MAGI2: variants seen among roughly 807,000 people sequenced by gnomAD.
The protein encoded by MAGI2 is membrane-associated guanylate kinase, WW and PDZ domain-containing protein 2.
A neutral mutation model predicts 133.3 loss-of-function variants in MAGI2; 35 were observed. That is an observed-to-expected ratio of 0.26 (90% CI 0.20 to 0.35). The LOEUF (loss-of-function observed/expected upper bound fraction) is 0.35, where lower values mean the gene tolerates loss of function less well. Ranked by LOEUF, MAGI2 falls within the 10% of genes least tolerant of loss-of-function variation. The pLI is 1.00. For missense variants in MAGI2, 1,636 were observed against 1,863.4 expected (o/e 0.88, Z 2.25); for synonymous variants, 729 against 710.6 (o/e 1.03, Z -0.41).
chr7:79,158,083 T>C (rs1334922739), intron 1 of MAGI2, among the ~76,000 whole-genome samples: 1 of 152,018 alleles, frequency 6.6e-6, no homozygotes, highest in Non-Finnish European at 1.5e-5. Flanking sequence ...TACCATATGA[T>C]ATAAATTTTG....
intron 2 of MAGI2, among the ~76,000 whole-genome samples, chr7:78,845,728 T>G (rs1792539805): frequency 6.6e-6 from 1 of 151,936 alleles, no homozygotes. Context: ...AACACAGAGT[T>G]TGAACATCTT....
chr7:78,685,470 T>G (rs1380132509), intron 2 of MAGI2, among the ~76,000 whole-genome samples: 5 of 132,604 alleles, frequency 3.8e-5, no homozygotes, highest in African/African-American at 1.3e-4. Flanking sequence ...ATTGTCGTTT[T>G]TTTTTTTTTT....
At chr7:78,916,337 T>C (rs1798793686) in intron 2 of MAGI2, among the ~76,000 whole-genome samples, 1 of 152,136 alleles carries the variant, frequency 6.6e-6, no homozygotes, top group Admixed American at 6.6e-5. Flanking sequence ...CCGATTGCTT[T>C]GAATAGCATT....
intron 2 of MAGI2, among the ~76,000 whole-genome samples, chr7:78,632,788 T>G (rs1190364489): frequency 6.6e-6 from 1 of 151,572 alleles, no homozygotes; most frequent in Admixed American, 6.6e-5. Flanking sequence ...ACTTACACAC[T>G]GTTATTAGAG....
Position 78,018,993 on chromosome 7 carries a change from A to G in MAGI2, c.*322T>C. Reference sequence around the variant, plus strand: ...TGGATGACATCCAAGTCCTTCATGCAGTGGGGAGGAATATTTTTTTTTCTT... The same window carrying G: ...TGGATGACATCCAAGTCCTTCATGCGGTGGGGAGGAATATTTTTTTTTCTT... On this transcript the variant is annotated 3_prime_UTR_variant, in exon 22 of 22. Transcript: ENST00000354212. 1 of 400,252 alleles carries G rather than the reference A, an allele frequency of 2.5e-6. No individual in the cohort carries two copies. 24.8% of individuals were successfully genotyped at this position (400,252 alleles called of 1,614,324 possible). A position where few individuals can be genotyped will look rare whatever the true frequency, so the allele number is the denominator to read the frequency against.
chr7:78,597,926 G>C (rs1804791217), intron 3 of MAGI2, among the ~76,000 whole-genome samples: 1 of 151,414 alleles, frequency 6.6e-6, no homozygotes, highest in African/African-American at 2.4e-5. Flanking sequence ...AATAATAAAA[G>C]AAAAATAGGC....
chr7:78,933,082 G>A (rs1189061670), intron 2 of MAGI2, among the ~76,000 whole-genome samples: 1 of 152,094 alleles, frequency 6.6e-6, no homozygotes, highest in Non-Finnish European at 1.5e-5. Flanking sequence ...ATCAAAAAGG[G>A]ATATGTTTTT....
chr7:79,226,725 G>A (rs1031936105), intron 1 of MAGI2, among the ~76,000 whole-genome samples: 1 of 151,734 alleles, frequency 6.6e-6, no homozygotes, highest in Non-Finnish European at 1.5e-5. Flanking sequence ...TTACTTTCAC[G>A]CCCAATCTAC....
At chr7:79,441,411 A>G (rs1376044010) in intron 1 of MAGI2, among the ~76,000 whole-genome samples, 2 of 152,216 alleles carry the variant, frequency 1.3e-5, no homozygotes, top group African/African-American at 2.4e-5. Context: ...TTAGACAATG[A>G]AGACTTTCCA....
rs1207567823 is a variant in MAGI2 at position 78,018,572 on chromosome 7, T to G, written c.*743A>C. On this transcript the variant is annotated 3_prime_UTR_variant, in exon 22 of 22. Transcript: ENST00000354212. ...TTCTGACTTATGGCAAACTGTTCCC[T>G]AGGATACAATTTTTAAAACCTTTTT... 6.6e-6 allele frequency: 1 copy of G among 152,206 alleles called. No individual in the cohort carries two copies. The highest frequency in any genetic ancestry group is 1.5e-5 in the Non-Finnish European group (1 of 68,030). The allele number at this position is 152,206 out of a possible 1,614,324, so 9.4% of individuals were successfully genotyped here.
chr7:79,114,388 T>C (rs1819212228), intron 1 of MAGI2, among the ~76,000 whole-genome samples: 1 of 152,224 alleles, frequency 6.6e-6, no homozygotes, highest in Admixed American at 6.5e-5. Flanking sequence ...AGATGTCTCA[T>C]GATCAATATC....
chr7:78,552,176 C>CTTTTT (rs869196799), intron 3 of MAGI2, among the ~76,000 whole-genome samples: 16 of 90,336 alleles, frequency 1.8e-4, no homozygotes, highest in East Asian at 3.8e-4. Flanking sequence ...ATTTGTTTTC[C>CTTTTT]TTTTTTTTTT....
chr7:78,414,747 C>A (rs1798153332), intron 6 of MAGI2, among the ~76,000 whole-genome samples: 1 of 151,948 alleles, frequency 6.6e-6, no homozygotes, highest in Non-Finnish European at 1.5e-5. Flanking sequence ...CAGCCCTATG[C>A]CTCCTGGGTT....
chr7:78,680,040 C>G (rs569589146), intron 2 of MAGI2, among the ~76,000 whole-genome samples: 2 of 152,232 alleles, frequency 1.3e-5, no homozygotes, highest in African/African-American at 4.8e-5. Flanking sequence ...CTTCATCTAT[C>G]TTTACATTTT....
chr7:79,208,683 A>G (rs1157964722), intron 1 of MAGI2, among the ~76,000 whole-genome samples: 1 of 152,012 alleles, frequency 6.6e-6, no homozygotes. Flanking sequence ...CACTGGGTAC[A>G]TATCAAAAGG....
intron 2 of MAGI2, among the ~76,000 whole-genome samples, chr7:78,988,039 T>C (rs766558864): frequency 6.6e-6 from 1 of 152,100 alleles, no homozygotes; most frequent in Non-Finnish European, 1.5e-5. Flanking sequence ...ATTAATATAA[T>C]GCTAACATTG....
intron 21 of MAGI2, among the ~76,000 whole-genome samples, chr7:78,064,678 G>A (rs1813633906): frequency 6.6e-6 from 1 of 152,132 alleles, no homozygotes; most frequent in Non-Finnish European, 1.5e-5. Flanking sequence ...CATGAGTACA[G>A]TTTCTGCTAA....
At chr7:78,566,344 A>G (rs911098455) in intron 3 of MAGI2, among the ~76,000 whole-genome samples, 7 of 152,084 alleles carry the variant, frequency 4.6e-5, no homozygotes, top group African/African-American at 2.4e-5. Context: ...TGAGAATTCT[A>G]TTTTTTAAAG....
intron 1 of MAGI2, among the ~76,000 whole-genome samples, chr7:79,350,310 G>A (rs760902937): frequency 6.6e-6 from 1 of 152,086 alleles, no homozygotes; most frequent in Admixed American, 6.6e-5. Flanking sequence ...GTCTGGTAAT[G>A]ATACAACAGT....
Sources: allele counts gnomAD v4.1 joint callset (sites outside exome capture counted in the v4.1 genomes callset), GRCh38; gene constraint gnomAD v4.1.1; transcripts MANE v1.5; gene names NCBI Gene and HGNC (gene_info 2026-07-23, HGNC 2026-07-21).